CHD7: variants seen among roughly 807,000 people sequenced by gnomAD.
CHD7 encodes the protein ATP-dependent chromatin remodeler CHD7.
Under a neutral mutation model 307.3 loss-of-function variants are expected in CHD7, and 24 were observed. The ratio of observed to expected loss-of-function variants is 0.08; its 90% CI spans 0.06 to 0.11. The LOEUF (loss-of-function observed/expected upper bound fraction) is 0.11, where lower values mean the gene tolerates loss of function less well. CHD7 is among the 10% of genes least tolerant of loss of function. The pLI, the probability that CHD7 is intolerant of heterozygous loss-of-function variation, is 1.00. For missense variants in CHD7, 3,106 were observed against 3,727.1 expected (o/e 0.83, Z 4.34); for synonymous variants, 1,363 against 1,349.9 (o/e 1.01, Z -0.21).
Position 60,865,370 on chromosome 8 carries a change from G to A in CHD7, c.8431G>A (p.Gly2811Ser), listed in dbSNP as rs751843206. ...AATGGCGGGCCTGCCCAACGTGTTT[G>A]GCTTGGGCGGGCTGTTGAATAACCC... ...PGMAGLPNVF[G>S]LGGLLNNPLS... Residue 2811 changes from glycine to serine, a missense_variant, in exon 38 of 38, where the codon GGC (glycine) becomes AGC (serine). Coordinates refer to ENST00000423902, the MANE Select transcript of CHD7 (RefSeq NM_017780.4). This position sits in a 1 kb window ranked among gnomAD's most constrained non-coding sequence, Gnocchi z 4.3. 1.2e-6 allele frequency: 2 copies of A among 1,611,950 alleles called. No homozygotes were observed. The highest frequency in any genetic ancestry group is 2.2e-5 in the South Asian group (2 of 90,784).
At chr8:60,810,283 A>G (rs1246618002) in intron 7 of CHD7, among the ~76,000 whole-genome samples, 1 of 151,838 alleles carries the variant, frequency 6.6e-6, no homozygotes, top group African/African-American at 2.4e-5. Flanking sequence ...AGGGGGGGGC[A>G]TTGAGAAACC....
intron 1 of CHD7, among the ~76,000 whole-genome samples, chr8:60,704,236 G>A (rs1420244693): frequency 6.6e-6 from 1 of 152,022 alleles, no homozygotes. Flanking sequence ...TATATCTGTG[G>A]GCTGGGCACC....
chr8:60,805,563 A>G (rs1812497913), intron 6 of CHD7, among the ~76,000 whole-genome samples: 2 of 152,224 alleles, frequency 1.3e-5, no homozygotes, highest in Non-Finnish European at 2.9e-5. Context: ...GAAAATGGGT[A>G]GTAATGAGAG....
At chr8:60,740,404 G>A (rs920866885) in intron 1 of CHD7, among the ~76,000 whole-genome samples, 7 of 152,226 alleles carry the variant, frequency 4.6e-5, no homozygotes, top group Non-Finnish European at 8.8e-5. Context: ...GAGTGGTCAC[G>A]TGGGATTCTG....
chr8:60,852,169 G>C lies in CHD7; in HGVS notation c.5816G>C (p.Arg1939Pro). Residue 1939 changes from arginine to proline, a missense_variant, in exon 29 of 38, where the codon CGG (arginine) becomes CCG (proline). This residue lies in a region of CHD7 where 1,030 missense variants were observed against 1,165.4 expected (regional missense o/e 0.88). Transcript: ENST00000423902. ...MRQEALMKTDRRRRRPREEVR... is the reference protein window; with the variant it reads ...MRQEALMKTDPRRRRPREEVR... ...CAAGAGGCCCTAATGAAGACTGACC[G>C]GCGCAGACGGCGGCCTCGAGAGGAA... is the stretch of plus-strand genomic sequence containing the variant. 6.2e-7 allele frequency: 1 copy of C among 1,613,840 alleles called. No homozygotes were observed.
intron 6 of CHD7, among the ~76,000 whole-genome samples, chr8:60,806,546 T>C (rs1220175966): frequency 2.0e-5 from 3 of 152,234 alleles, no homozygotes; most frequent in African/African-American, 7.2e-5. Context: ...TAACTAAAAG[T>C]TTATGACATA....
intron 1 of CHD7, among the ~76,000 whole-genome samples, chr8:60,722,583 T>C (rs978537131): frequency 6.6e-6 from 1 of 152,202 alleles, no homozygotes; most frequent in Non-Finnish European, 1.5e-5. Context: ...ATCTAAGAAG[T>C]ATAAAAATAC....
chr8:60,716,210 C>G (rs1202667816), intron 1 of CHD7, among the ~76,000 whole-genome samples: 2 of 152,208 alleles, frequency 1.3e-5, no homozygotes, highest in Non-Finnish European at 2.9e-5. Context: ...CAGTAGCTCC[C>G]CTACTGCTCT....
intron 1 of CHD7, among the ~76,000 whole-genome samples, chr8:60,723,931 A>G (rs771931738): frequency 1.3e-5 from 2 of 152,244 alleles, no homozygotes; most frequent in East Asian, 1.9e-4. Context: ...ACCCAGCACC[A>G]TGCAGAGCAA....
chr8:60,710,234 CTTTT>C (rs35355868), intron 1 of CHD7, among the ~76,000 whole-genome samples: 3 of 141,914 alleles, frequency 2.1e-5, no homozygotes, highest in African/African-American at 5.2e-5. Context: ...GAAATGAAAA[CTTTT>C]TTTTTTTTTT....
At position 60,741,411 on chromosome 8, in the gene CHD7, A is replaced by AG. The variant is rs1458252842; in HGVS notation, c.-20dup. ...GGCAAGCTCCTGAGCTGTGGTTTGG[A>AG]GGAGCCGTGTGTTGGAAGAAGATGG... is the stretch of plus-strand genomic sequence containing the variant. On this transcript the variant is annotated 5_prime_UTR_variant, in exon 2 of 38. Coordinates refer to ENST00000423902, the MANE Select transcript of CHD7 (RefSeq NM_017780.4). The AG allele has an allele frequency of 6.4e-7, 1 of 1,565,650 alleles. No homozygotes were observed. Among genetic ancestry groups the AG allele is most frequent in the African/African-American group, 1.4e-5 (1 of 73,976 alleles).
In CHD7 at chr8:60,850,594, A is replaced by G. The variant is rs1157866817; in HGVS notation, c.5506A>G (p.Thr1836Ala). Residue 1836 changes from threonine to alanine, a missense_variant, in exon 26 of 38, where the codon ACA becomes GCA. By Grantham distance (58) the Thr-to-Ala change is moderately conservative (BLOSUM62 0). Coordinates refer to ENST00000423902, the MANE Select transcript of CHD7 (RefSeq NM_017780.4). The part of the protein sequence containing the change: ...AKAIAAEQRG[T>A]DMLADGGDGG... ...GGCCATAGCTGCCGAGCAAAGAGGA[A>G]CAGACATGCTAGCAGATGGTGGTGA... 1.9e-6 allele frequency: 3 copies of G among 1,612,920 alleles called. No homozygotes were observed. Among genetic ancestry groups the G allele is most frequent in the East Asian group, 4.5e-5 (2 of 44,874 alleles).
chr8:60,845,876 G>C (rs1270597972), intron 23 of CHD7, among the ~76,000 whole-genome samples: 1 of 152,138 alleles, frequency 6.6e-6, no homozygotes, highest in Non-Finnish European at 1.5e-5. Flanking sequence ...CAATTAAACA[G>C]TAACTTGCCT....
intron 1 of CHD7, among the ~76,000 whole-genome samples, chr8:60,734,461 C>T (rs1045281755): frequency 6.6e-6 from 1 of 152,142 alleles, no homozygotes; most frequent in East Asian, 1.9e-4. Flanking sequence ...GTAGCTTCTG[C>T]CCATGTTGAT....
chr8:60,727,701 G>A (rs1300502821), intron 1 of CHD7, among the ~76,000 whole-genome samples: 1 of 152,098 alleles, frequency 6.6e-6, no homozygotes, highest in Non-Finnish European at 1.5e-5. Context: ...GACCTCATCT[G>A]CTGCAACTTT....
intron 1 of CHD7, among the ~76,000 whole-genome samples, chr8:60,699,352 TTGTC>T (rs1336535838): frequency 6.6e-6 from 1 of 152,160 alleles, no homozygotes; most frequent in East Asian, 1.9e-4. Flanking sequence ...ATAGATTTAT[TTGTC>T]TGAGGTGATA....
At chr8:60,782,861 A>C (rs192873708) in intron 3 of CHD7, among the ~76,000 whole-genome samples, 34 of 152,364 alleles carry the variant, frequency 2.2e-4, no homozygotes, top group African/African-American at 6.7e-4. Flanking sequence ...GTAGTTTAAA[A>C]AATAAGTAAT....
chr8:60,794,947 A>G lies in CHD7; in HGVS notation c.2097-39A>G, dbSNP rs781318858. ...AAATATAAGAGACATGCAGAAACAC[A>G]TTAAAAGTGAACACTAAGCGATCCA... is the stretch of plus-strand genomic sequence containing the variant. On this transcript the variant is annotated intron_variant, in intron 3 of 37. Transcript: ENST00000423902. 1.1e-5 allele frequency: 17 copies of G among 1,588,566 alleles called. No individual in the cohort carries two copies. In the African/African-American group the frequency reaches 1.9e-4, roughly 18 times the overall value.
intron 14 of CHD7, among the ~76,000 whole-genome samples, chr8:60,829,147 G>T (rs6996597): frequency 2.4e-4 from 36 of 152,234 alleles, no homozygotes; most frequent in African/African-American, 8.4e-4. Flanking sequence ...ACGTTGGTAG[G>T]CCTGTTTGCC....
Sources: allele counts gnomAD v4.1 joint callset (sites outside exome capture counted in the v4.1 genomes callset), GRCh38; gene constraint gnomAD v4.1.1; regional missense constraint gnomAD v4.1.1; non-coding constraint Gnocchi (gnomAD v3.1); transcripts MANE v1.5; gene names NCBI Gene and HGNC (gene_info 2026-07-23, HGNC 2026-07-21).